SPAG17: variants seen among roughly 807,000 people sequenced by gnomAD.
SPAG17 encodes sperm associated antigen 17.
SPAG17 carries 169 observed loss-of-function variants against 273.6 expected under a neutral mutation model. The observed-to-expected ratio is 0.62, with a 90% CI of 0.55 to 0.70. The LOEUF is 0.70. Ranked by LOEUF, SPAG17 falls within the 30% of genes least tolerant of loss-of-function variation. The pLI is 0.00. For missense variants in SPAG17, 2,557 were observed against 2,627.8 expected (o/e 0.97, Z 0.59); for synonymous variants, 825 against 873.2 (o/e 0.94, Z 0.97).
chr1:118,143,942 C>T (rs546245610), intron 3 of SPAG17, among the ~76,000 whole-genome samples: 4 of 152,264 alleles, frequency 2.6e-5, no homozygotes, highest in South Asian at 4.1e-4. Context: ...GCAACCCAGT[C>T]CTTGTGTGGC....
intron 26 of SPAG17, among the ~76,000 whole-genome samples, chr1:118,026,444 G>C (rs914662114): frequency 6.6e-6 from 1 of 152,090 alleles, no homozygotes; most frequent in Non-Finnish European, 1.5e-5. Flanking sequence ...TATATATCAG[G>C]CTAGTGGGAA....
chr1:118,009,908 T>C (rs189060338), intron 30 of SPAG17, among the ~76,000 whole-genome samples: 1 of 151,966 alleles, frequency 6.6e-6, no homozygotes, highest in Non-Finnish European at 1.5e-5. Context: ...TAGAATACTA[T>C]TCAGTGTTAA....
chr1:118,010,155 T>G (rs926515578), intron 30 of SPAG17, among the ~76,000 whole-genome samples: 4 of 152,154 alleles, frequency 2.6e-5, no homozygotes, highest in African/African-American at 2.4e-5. Context: ...ATTAAAGAGA[T>G]ATACTGTATA....
intron 19 of SPAG17, among the ~76,000 whole-genome samples, chr1:118,054,780 A>AC (rs1474431752): frequency 6.6e-6 from 1 of 151,900 alleles, no homozygotes; most frequent in Non-Finnish European, 1.5e-5. Context: ...CCCCATCAGG[A>AC]CCCAGAATTG....
chr1:118,138,837 G>A (rs1658504224), intron 3 of SPAG17, among the ~76,000 whole-genome samples: 1 of 152,098 alleles, frequency 6.6e-6, no homozygotes, highest in Non-Finnish European at 1.5e-5. Context: ...TATCAGCACT[G>A]AGTTAGGCAC....
chr1:117,961,894 GA>G (rs1289653699), intron 48 of SPAG17: 1 of 152,228 alleles, frequency 6.6e-6, no homozygotes, highest in Non-Finnish European at 1.5e-5. Flanking sequence ...CCACCAGGGA[GA>G]GGAGTTAATT....
At chr1:118,039,540 C>G (rs1473831441) in intron 22 of SPAG17, 96 bp from the exon 23 acceptor site, 5 of 1,300,054 alleles carry the variant, frequency 3.8e-6, no homozygotes, top group Non-Finnish European at 4.4e-6. Context: ...GAAACAAACA[C>G]ACGAACAGAA....
intron 3 of SPAG17, among the ~76,000 whole-genome samples, chr1:118,117,469 A>G (rs1349587390): frequency 6.6e-6 from 1 of 152,244 alleles, no homozygotes; most frequent in Non-Finnish European, 1.5e-5. Context: ...AGGTCATAAT[A>G]GTTATTACTG....
At chr1:118,000,464 G>A (rs1658153169) in intron 32 of SPAG17, among the ~76,000 whole-genome samples, 1 of 152,172 alleles carries the variant, frequency 6.6e-6, no homozygotes, top group Non-Finnish European at 1.5e-5. Flanking sequence ...AGCATGGAAT[G>A]TTCTTCCATT....
At chr1:118,124,310 C>A (rs375490594) in intron 3 of SPAG17, among the ~76,000 whole-genome samples, 2 of 152,156 alleles carry the variant, frequency 1.3e-5, no homozygotes, top group African/African-American at 4.8e-5. Flanking sequence ...TTCTGAACAA[C>A]CCTACAACGT....
intron 39 of SPAG17, 32 bp downstream of exon 39, chr1:117,988,073 A>G (rs1333404924): frequency 6.5e-7 from 1 of 1,549,390 alleles, no homozygotes; most frequent in African/African-American, 1.4e-5. Context: ...CATACCTAAT[A>G]CTAATTAGAA....
At chr1:118,118,726 G>A (rs777640831) in intron 3 of SPAG17, among the ~76,000 whole-genome samples, 1 of 152,170 alleles carries the variant, frequency 6.6e-6, no homozygotes, top group Admixed American at 6.5e-5. Flanking sequence ...GGTGAATGAG[G>A]AAATTAAGCT....
At chr1:118,020,446 A>G (rs576969677) in intron 28 of SPAG17, among the ~76,000 whole-genome samples, 8 of 152,092 alleles carry the variant, frequency 5.3e-5, no homozygotes, top group East Asian at 1.9e-4. Flanking sequence ...AGAAAAAAAA[A>G]AAAGAAAGAA....
intron 38 of SPAG17, among the ~76,000 whole-genome samples, chr1:117,989,953 T>G (rs1656891955): frequency 6.6e-6 from 1 of 152,126 alleles, no homozygotes; most frequent in South Asian, 2.1e-4. Flanking sequence ...CTAAAAAAAA[T>G]TATTTGTCAT....
chr1:118,106,663 T>A (rs958083780), intron 4 of SPAG17, among the ~76,000 whole-genome samples: 1 of 152,222 alleles, frequency 6.6e-6, no homozygotes, highest in Non-Finnish European at 1.5e-5. Flanking sequence ...TTAAATAAAA[T>A]CTCAGGGTGA....
At chr1:118,035,283 T>A (rs1345559191) in intron 24 of SPAG17, among the ~76,000 whole-genome samples, 1 of 152,214 alleles carries the variant, frequency 6.6e-6, no homozygotes, top group Non-Finnish European at 1.5e-5. Context: ...TAAAATGGAC[T>A]GATTACATAT....
chr1:118,085,149 C>T (rs1654888622), intron 13 of SPAG17, among the ~76,000 whole-genome samples: 1 of 152,038 alleles, frequency 6.6e-6, no homozygotes, highest in South Asian at 2.1e-4. Flanking sequence ...TTAGTTTTAC[C>T]CTGGTGAACA....
chr1:118,164,850 G>T (rs1237970732), intron 1 of SPAG17, among the ~76,000 whole-genome samples: 5 of 152,308 alleles, frequency 3.3e-5, no homozygotes, highest in South Asian at 2.1e-4. Context: ...TCACATAAAT[G>T]GGAATACTAC....
chr1:118,053,149 G>C (rs1427433889), intron 20 of SPAG17, among the ~76,000 whole-genome samples: 1 of 151,940 alleles, frequency 6.6e-6, no homozygotes, highest in African/African-American at 2.4e-5. Context: ...CAACAGAAGA[G>C]GAAAACTAAC....
Sources: gnomAD v4.1 joint callset for allele counts (sites outside exome capture counted in the v4.1 genomes callset) on GRCh38, gnomAD v4.1.1 for gene constraint, MANE v1.5 for transcripts, NCBI Gene and HGNC (gene_info 2026-07-23, HGNC 2026-07-21) for gene names.